The following SULT1C2 variants were observed in gnomAD, a reference collection of about 807,000 sequenced individuals.
SULT1C2 encodes the protein sulfotransferase 1C2.
A neutral mutation model predicts 36.0 loss-of-function variants in SULT1C2; 27 were observed. The ratio of observed to expected loss-of-function variants is 0.75; its 90% CI spans 0.55 to 1.03. The LOEUF is 1.03. Ranked by LOEUF, SULT1C2 falls within the 50% of genes least tolerant of loss-of-function variation. The pLI, the probability that SULT1C2 is intolerant of heterozygous loss-of-function variation, is 0.00. For synonymous variants in SULT1C2, 121 were observed against 116.0 expected (o/e 1.04, Z -0.27); for missense variants, 395 against 359.2 (o/e 1.10, Z -0.80).
intron 7 of SULT1C2, 24 bp downstream of exon 7, chr2:108,305,619 C>T (rs1307026186): frequency 1.9e-6 from 3 of 1,613,366 alleles, no homozygotes; most frequent in South Asian, 1.1e-5. Flanking sequence ...CTTTATCATA[C>T]ATTCAGATTG....
chr2:108,293,035 C>T (rs1305624049), intron 1 of SULT1C2, among the ~76,000 whole-genome samples: 2 of 152,056 alleles, frequency 1.3e-5, no homozygotes, highest in Non-Finnish European at 2.9e-5. Context: ...AAAAATTAGT[C>T]AGGCATGGTG....
chr2:108,294,170 T>A, intron 2 of SULT1C2, 59 bp from the exon 3 acceptor site: 1 of 1,596,942 alleles, frequency 6.3e-7, no homozygotes, highest in Non-Finnish European at 8.5e-7. Flanking sequence ...TACTCGGGAC[T>A]CTTCAGGGAA....
chr2:108,291,652 C>T (rs945203888), intron 1 of SULT1C2, among the ~76,000 whole-genome samples: 2 of 152,078 alleles, frequency 1.3e-5, no homozygotes, highest in African/African-American at 4.8e-5. Context: ...ACATAGGATT[C>T]GTATACAGAT....
chr2:108,294,166 G>A (rs1368822820), intron 2 of SULT1C2, 63 bp from the exon 3 acceptor site: 1 of 1,594,490 alleles, frequency 6.3e-7, no homozygotes, highest in African/African-American at 1.3e-5. Context: ...CGTTTACTCG[G>A]GACTCTTCAG....
chr2:108,308,110 C>T (rs1558682526), intron 7 of SULT1C2, among the ~76,000 whole-genome samples: 1 of 152,216 alleles, frequency 6.6e-6, no homozygotes, highest in African/African-American at 2.4e-5. Flanking sequence ...CCAGGTCATG[C>T]AGGCCACTAG....
chr2:108,298,045 C>T (rs1027525366), intron 3 of SULT1C2, among the ~76,000 whole-genome samples: 1 of 152,180 alleles, frequency 6.6e-6, no homozygotes, highest in Non-Finnish European at 1.5e-5. Context: ...AGAGGAGAGC[C>T]GCGAGTACCA....
intron 7 of SULT1C2, among the ~76,000 whole-genome samples, chr2:108,307,799 C>A (rs1677060938): frequency 2.0e-5 from 3 of 152,014 alleles, no homozygotes; most frequent in Admixed American, 2.0e-4. Flanking sequence ...ATACCCACAC[C>A]ACCCGCACCC....
At chr2:108,289,460 G>A (rs545217929) in intron 1 of SULT1C2, among the ~76,000 whole-genome samples, 1 of 152,318 alleles carries the variant, frequency 6.6e-6, no homozygotes, top group Non-Finnish European at 1.5e-5. Flanking sequence ...CCTGCAAGGG[G>A]ACTGAACCAG....
At position 108,288,973 on chromosome 2, in the gene SULT1C2, CCT is replaced by C. The variant is rs751447879; in HGVS notation, c.-116_-115del. 4.1e-4 allele frequency: 63 copies of C among 152,716 alleles called. No individual in the cohort carries two copies. Among genetic ancestry groups the C allele is most frequent in the Non-Finnish European group, 1.8e-4 (12 of 68,022 alleles). 9.5% of individuals were successfully genotyped at this position (152,716 alleles called of 1,614,324 possible). A position where few individuals can be genotyped will look rare whatever the true frequency, so the allele number is the denominator to read the frequency against. On this transcript the variant is annotated 5_prime_UTR_variant, in exon 1 of 8. Transcript: ENST00000251481. ...AACTCTGACACAGTAGTAATTTGAG[CCT>C]CTGCAATTGCCGTCTGCTTCCTGTG...
rs1415568077 is a variant in SULT1C2, at chr2:108,309,553, C to A, written c.*1089C>A. 6.6e-6 allele frequency: 1 copy of A among 152,110 alleles called. No homozygotes were observed. The highest frequency in any genetic ancestry group is 1.5e-5 in the Non-Finnish European group (1 of 68,024). 9.4% of individuals were successfully genotyped at this position (152,110 alleles called of 1,614,324 possible). A position where few individuals can be genotyped will look rare whatever the true frequency, so the allele number is the denominator to read the frequency against. On this transcript the variant is annotated 3_prime_UTR_variant, in exon 8 of 8. Coordinates refer to ENST00000251481, the MANE Select transcript of SULT1C2 (RefSeq NM_001056.4). ...AGCTGAGGGTAGTAGGAGCAGTTCA[C>A]CCTGGGAGCAGACAATAAGAGGAAG...
intron 4 of SULT1C2, chr2:108,302,056 T>C (rs187572757): frequency 1.4e-4 from 22 of 152,342 alleles, no homozygotes; most frequent in Admixed American, 1.3e-3. Context: ...CCAGGATTAC[T>C]GCATAAAAAA....
chr2:108,297,986 G>A (rs1676778094), intron 3 of SULT1C2, among the ~76,000 whole-genome samples: 2 of 152,114 alleles, frequency 1.3e-5, no homozygotes, highest in South Asian at 4.2e-4. Context: ...TCTCTTTTAG[G>A]CATTAAGTGG....
At chr2:108,289,204 T>A (rs553870699) in intron 1 of SULT1C2, 134 bp downstream of exon 1, 2 of 152,732 alleles carry the variant, frequency 1.3e-5, no homozygotes, top group South Asian at 2.1e-4. Context: ...TAAAATAATA[T>A]AAAAGAGTTT....
intron 5 of SULT1C2, 59 bp downstream of exon 5, chr2:108,304,759 A>G (rs935711904): frequency 1.3e-6 from 2 of 1,557,618 alleles, no homozygotes; most frequent in Admixed American, 2.0e-5. Context: ...GGTCTAGGGA[A>G]CCACAGGCAG....
intron 3 of SULT1C2, among the ~76,000 whole-genome samples, chr2:108,296,943 C>T (rs1348992656): frequency 6.6e-6 from 1 of 152,182 alleles, no homozygotes; most frequent in African/African-American, 2.4e-5. Flanking sequence ...CCCTTCCAGG[C>T]CCCCTTCTGC....
intron 4 of SULT1C2, chr2:108,301,174 G>T (rs1676859871): frequency 2.0e-6 from 1 of 500,574 alleles, no homozygotes; most frequent in Non-Finnish European, 3.5e-6. Context: ...ACATGGGGAG[G>T]CAGTGAGTGC....
intron 6 of SULT1C2, 50 bp downstream of exon 6, chr2:108,305,316 C>A: frequency 6.2e-7 from 1 of 1,610,462 alleles, no homozygotes; most frequent in Non-Finnish European, 8.5e-7. Context: ...TCTTCAGGTG[C>A]AGAGAAATTC....
chr2:108,307,891 AC>A (rs1452732042), intron 7 of SULT1C2, among the ~76,000 whole-genome samples: 1 of 152,130 alleles, frequency 6.6e-6, no homozygotes, highest in Non-Finnish European at 1.5e-5. Flanking sequence ...TCCAGGGACA[AC>A]CGTTTTTCCA....
In SULT1C2 at chr2:108,308,569, T is replaced by C. The variant is rs986358408; in HGVS notation, c.*105T>C. 3 of 830,100 alleles carry C rather than the reference T, an allele frequency of 3.6e-6. No homozygotes were observed. The highest frequency in any genetic ancestry group is 3.7e-6 in the Non-Finnish European group (2 of 544,034). The allele number at this position is 830,100 out of a possible 1,614,324, so 51.4% of individuals were successfully genotyped here. A position where few individuals can be genotyped will look rare whatever the true frequency, so the allele number is the denominator to read the frequency against. ...TCTCTGAAAGCATATTGTGAATGTA[T>C]ACAATGTAGTACAAACAATCTCTGT... is the stretch of plus-strand genomic sequence containing the variant. On this transcript the variant is annotated 3_prime_UTR_variant, in exon 8 of 8. Transcript: ENST00000251481.
Sources: gnomAD v4.1 joint callset for allele counts (sites outside exome capture counted in the v4.1 genomes callset) on GRCh38, gnomAD v4.1.1 for gene constraint, MANE v1.5 for transcripts, NCBI Gene and HGNC (gene_info 2026-07-23, HGNC 2026-07-21) for gene names.